The following SLMAP variants were observed in gnomAD, a reference collection of about 807,000 sequenced individuals.
SLMAP encodes sarcolemma associated protein.
SLMAP carries 44 observed loss-of-function variants against 128.8 expected under a neutral mutation model. The ratio of observed to expected loss-of-function variants is 0.34; its 90% CI spans 0.27 to 0.44. SLMAP has a LOEUF of 0.44. Ranked by LOEUF, SLMAP falls within the 20% of genes least tolerant of loss-of-function variation. The probability of loss-of-function intolerance (pLI) is 1.00; values close to 1 mark genes in which losing one functional copy is unlikely to be tolerated. For synonymous variants in SLMAP, 327 were observed against 348.8 expected, an observed-to-expected ratio of 0.94 and a Z score of 0.70; for missense variants, 787 against 985.3, an observed-to-expected ratio of 0.80 and a Z score of 2.69.
In SLMAP at chr3:57,896,550, C is replaced by T. The variant is rs1025466573; in HGVS notation, c.1400C>T (p.Thr467Ile). 1.2e-6 allele frequency: 2 copies of T among 1,610,634 alleles called. No homozygotes were observed. The highest frequency in any genetic ancestry group is 2.7e-5 in the African/African-American group (2 of 74,808). Reference sequence around the variant, plus strand: ...GCAAAAGAATCTGATTTTTCAGATACTCTGAGTCCAAGCAAGGAAAAAAGC... The same window carrying T: ...GCAAAAGAATCTGATTTTTCAGATATTCTGAGTCCAAGCAAGGAAAAAAGC... Reference protein sequence around the residue: ...TRAKESDFSDTLSPSKEKSSD... With the variant: ...TRAKESDFSDILSPSKEKSSD... The change falls in exon 16 of 25, where the codon ACT becomes ATT. Residue 467 changes from threonine (T) to isoleucine (I), a missense_variant. Coordinates refer to ENST00000671191, the MANE Select transcript of SLMAP (RefSeq NM_001377540.1).
At chr3:57,776,859 A>T (rs1559945468) in intron 2 of SLMAP, among the ~76,000 whole-genome samples, 1 of 151,838 alleles carries the variant, frequency 6.6e-6, no homozygotes, top group Non-Finnish European at 1.5e-5. Flanking sequence ...TTGAACTTTG[A>T]TCATGTTTAA....
intron 5 of SLMAP, among the ~76,000 whole-genome samples, chr3:57,847,444 A>G (rs1234449823): frequency 6.6e-6 from 1 of 152,234 alleles, no homozygotes; most frequent in African/African-American, 2.4e-5. Flanking sequence ...TTGTTATCTC[A>G]GTTAAATTAT....
chr3:57,866,865 A>G (rs1169570484), intron 13 of SLMAP, among the ~76,000 whole-genome samples: 2 of 150,484 alleles, frequency 1.3e-5, no homozygotes, highest in African/African-American at 4.9e-5. Flanking sequence ...TGGGAGTGAG[A>G]CCCTGTCTCA....
chr3:57,784,143 A>G (rs1482530082), intron 2 of SLMAP, among the ~76,000 whole-genome samples: 2 of 152,190 alleles, frequency 1.3e-5, no homozygotes, highest in African/African-American at 2.4e-5. Context: ...AGTTCCCACT[A>G]GAGCAGTGCC....
At chr3:57,817,632 A>C (rs1480837337) in intron 2 of SLMAP, among the ~76,000 whole-genome samples, 7 of 151,938 alleles carry the variant, frequency 4.6e-5, no homozygotes, top group African/African-American at 7.3e-5. Flanking sequence ...TTATGTTTTA[A>C]CTCCTCATTC....
chr3:57,758,437 A>C (rs540410553), intron 2 of SLMAP, among the ~76,000 whole-genome samples: 2 of 152,338 alleles, frequency 1.3e-5, no homozygotes, highest in East Asian at 3.9e-4. Context: ...GTAACTTTAT[A>C]TATTTTCAGA....
At chr3:57,906,019 G>A (rs1264977839) in intron 17 of SLMAP, among the ~76,000 whole-genome samples, 1 of 134,576 alleles carries the variant, frequency 7.4e-6, no homozygotes, top group Admixed American at 8.5e-5. Context: ...TAAGATGCAA[G>A]CATCATGATG....
intron 3 of SLMAP, 24 bp from the exon 4 acceptor site, chr3:57,841,275 A>G: frequency 3.6e-6 from 5 of 1,403,620 alleles, no homozygotes; most frequent in Non-Finnish European, 5.0e-6. Context: ...TATTTCATCC[A>G]TATTATTTGT....
chr3:57,792,957 C>G (rs956061600), intron 2 of SLMAP, among the ~76,000 whole-genome samples: 8 of 151,902 alleles, frequency 5.3e-5, no homozygotes, highest in African/African-American at 1.9e-4. Context: ...GGCAACATGG[C>G]AAAACCCCAT....
chr3:57,899,818 A>G (rs2096330073), intron 17 of SLMAP: 1 of 152,238 alleles, frequency 6.6e-6, no homozygotes, highest in South Asian at 2.1e-4. Flanking sequence ...GGATGTAAAG[A>G]AAAATCATCT....
intron 13 of SLMAP, among the ~76,000 whole-genome samples, chr3:57,869,637 T>TATATATATATATATATATATATA (rs1338792937): frequency 8.0e-6 from 1 of 124,776 alleles, no homozygotes; most frequent in South Asian, 2.4e-4. Context: ...CTATTATATA[T>TATATATATATATATATATATATA]ATATATATAT....
chr3:57,892,506 A>T (rs527796458), intron 15 of SLMAP, among the ~76,000 whole-genome samples: 1 of 152,202 alleles, frequency 6.6e-6, no homozygotes, highest in East Asian at 1.9e-4. Flanking sequence ...TTTAAACCTC[A>T]GTTCCCTCAC....
chr3:57,783,626 A>G (rs746491646), intron 2 of SLMAP, among the ~76,000 whole-genome samples: 2 of 152,230 alleles, frequency 1.3e-5, no homozygotes, highest in East Asian at 1.9e-4. Context: ...CTGGCTATGT[A>G]AAGAGTGAAA....
At chr3:57,878,089 T>C (rs2009145) in intron 14 of SLMAP, among the ~76,000 whole-genome samples, 133,650 of 151,840 alleles carry the variant, frequency 0.88, 59,156 homozygotes, top group East Asian at 1. Context: ...GTGATCCACC[T>C]GCCTTGGCCT....
At chr3:57,924,683 A>G (rs1421199075) in intron 23 of SLMAP, among the ~76,000 whole-genome samples, 1 of 151,880 alleles carries the variant, frequency 6.6e-6, no homozygotes, top group Non-Finnish European at 1.5e-5. Flanking sequence ...GTCTTTATAT[A>G]CCAAACCTTT....
At chr3:57,856,387 T>G (rs568455020) in intron 6 of SLMAP, among the ~76,000 whole-genome samples, 1 of 152,348 alleles carries the variant, frequency 6.6e-6, no homozygotes, top group Admixed American at 6.5e-5. Context: ...AAATATTGTT[T>G]CTATTCTTAA....
At chr3:57,805,995 G>T (rs564977427) in intron 2 of SLMAP, among the ~76,000 whole-genome samples, 28 of 150,544 alleles carry the variant, frequency 1.9e-4, no homozygotes, top group Non-Finnish European at 3.5e-4. Flanking sequence ...CCTTTTCTCT[G>T]TTCTTGCTAG....
chr3:57,826,308 A>G (rs1452053767), intron 2 of SLMAP, among the ~76,000 whole-genome samples: 2 of 151,874 alleles, frequency 1.3e-5, no homozygotes. Context: ...TCTCTTCCCA[A>G]GGTCTGTTTT....
chr3:57,835,750 A>T (rs1577281338), intron 3 of SLMAP, among the ~76,000 whole-genome samples: 1 of 152,226 alleles, frequency 6.6e-6, no homozygotes, highest in Non-Finnish European at 1.5e-5. Flanking sequence ...GCAAAATACT[A>T]TACAGCTGTG....
Sources: gnomAD v4.1 joint callset for allele counts (sites outside exome capture counted in the v4.1 genomes callset) on GRCh38, gnomAD v4.1.1 for gene constraint, MANE v1.5 for transcripts, NCBI Gene and HGNC (gene_info 2026-07-23, HGNC 2026-07-21) for gene names.